Variants in DEPTOR observed in about 807,000 individuals in gnomAD.
The protein encoded by DEPTOR is DEP domain-containing mTOR-interacting protein.
Under a neutral mutation model 41.6 loss-of-function variants are expected in DEPTOR, and 41 were observed. The ratio of observed to expected loss-of-function variants is 0.98; its 90% confidence interval spans 0.77 to 1.28. The LOEUF (loss-of-function observed/expected upper bound fraction) is 1.28. DEPTOR is among the 50% of genes most tolerant of loss of function. The pLI is 0.00. For synonymous variants in DEPTOR, 195 were observed against 192.3 expected (o/e 1.01, Z -0.12); for missense variants, 514 against 527.9 (o/e 0.97, Z 0.26).
intron 1 of DEPTOR, among the ~76,000 whole-genome samples, chr8:119,894,515 G>C (rs1378829621): frequency 6.6e-6 from 1 of 151,566 alleles, no homozygotes; most frequent in Non-Finnish European, 1.5e-5. Flanking sequence ...TCCTGCCTCA[G>C]CCTCCCAAGT....
Position 119,937,838 on chromosome 8 carries a change from C to CAGTG in DEPTOR, c.425+7901_425+7904dup, listed in dbSNP as rs532702686. On this transcript the variant is annotated intron_variant, in intron 3 of 8. Coordinates refer to ENST00000286234, the MANE Select transcript of DEPTOR (RefSeq NM_022783.4). Reference sequence around the variant, plus strand: ...GAGGGGCAAGTGATACCTGCACATGCAGTGGGCTGTGTGACAGCAGAGGAA... The same window carrying CAGTG: ...GAGGGGCAAGTGATACCTGCACATGCAGTGAGTGGGCTGTGTGACAGCAGAGGAA... Among the ~76,000 whole-genome samples, 7 of 152,310 alleles carry CAGTG rather than the reference C, an allele frequency of 4.6e-5. No individual in the cohort carries two copies. The South Asian group carries it at 6.2e-4, about 14-fold the overall frequency.
At chr8:119,951,736 C>A (rs911685667) in intron 3 of DEPTOR, among the ~76,000 whole-genome samples, 1 of 152,102 alleles carries the variant, frequency 6.6e-6, no homozygotes, top group African/African-American at 2.4e-5. Flanking sequence ...TAATGTATAC[C>A]TCCTCCCTGG....
At chr8:119,914,293 C>T (rs139480348) in intron 1 of DEPTOR, among the ~76,000 whole-genome samples, 34 of 151,254 alleles carry the variant, frequency 2.2e-4, no homozygotes, top group African/African-American at 7.5e-4. Context: ...CTGTCTGCCT[C>T]GGCCTCCCAA....
intron 1 of DEPTOR, among the ~76,000 whole-genome samples, chr8:119,877,158 C>G (rs1449496984): frequency 6.6e-6 from 1 of 152,194 alleles, no homozygotes; most frequent in African/African-American, 2.4e-5. Flanking sequence ...TCTTCAGGAG[C>G]TCTGTGAGGA....
chr8:120,034,452 T>C (rs1343658836), intron 8 of DEPTOR, among the ~76,000 whole-genome samples: 6 of 134,190 alleles, frequency 4.5e-5, no homozygotes, highest in Non-Finnish European at 7.9e-5. Flanking sequence ...TCTTTTTTTT[T>C]TTTTTTTTTT....
chr8:119,912,511 G>A (rs191563547), intron 1 of DEPTOR, among the ~76,000 whole-genome samples: 5 of 152,298 alleles, frequency 3.3e-5, no homozygotes, highest in East Asian at 1.9e-4. Flanking sequence ...CGATAGCTGC[G>A]GATGTTCCTG....
intron 1 of DEPTOR, 35 bp downstream of exon 1, chr8:119,874,003 G>A: frequency 1.2e-6 from 2 of 1,611,874 alleles, no homozygotes; most frequent in Non-Finnish European, 8.5e-7. Flanking sequence ...AGCTCACGAT[G>A]GCACTGCCAA....
chr8:119,893,256 T>G (rs1735182136), intron 1 of DEPTOR, among the ~76,000 whole-genome samples: 1 of 152,216 alleles, frequency 6.6e-6, no homozygotes, highest in South Asian at 2.1e-4. Context: ...GGAAATCTCT[T>G]CAATTGTCTT....
intron 4 of DEPTOR, among the ~76,000 whole-genome samples, chr8:119,987,194 G>A (rs1324761916): frequency 6.6e-6 from 1 of 152,184 alleles, no homozygotes; most frequent in African/African-American, 2.4e-5. Context: ...TTTGATGTTG[G>A]TGACCTTCGG....
At chr8:119,975,189 T>G (rs970560105) in intron 4 of DEPTOR, among the ~76,000 whole-genome samples, 1 of 151,958 alleles carries the variant, frequency 6.6e-6, no homozygotes, top group Non-Finnish European at 1.5e-5. Context: ...CCTTTACAGA[T>G]GTACATTTTT....
intron 3 of DEPTOR, among the ~76,000 whole-genome samples, chr8:119,964,510 C>T (rs10106015): frequency 0.68 from 90,476 of 133,960 alleles, 29,017 homozygotes; most frequent in Middle Eastern, 0.81. Context: ...AGTGAAAGCC[C>T]GTCTCAAAAA....
chr8:119,906,637 A>G (rs540838244), intron 1 of DEPTOR, among the ~76,000 whole-genome samples: 73 of 152,250 alleles, frequency 4.8e-4, no homozygotes, highest in Admixed American at 8.5e-4. Flanking sequence ...TAGCATTACT[A>G]GGCACCCAAT....
chr8:120,001,521 C>G lies in DEPTOR; in HGVS notation c.605-4C>G, dbSNP rs1812350629. ...TCATTGGTTGTTTTTTTTTTTCTCC[C>G]CAGTGTCCAACAAGCACCCATTTGT... is the stretch of plus-strand genomic sequence containing the variant. On this transcript the variant is annotated splice_polypyrimidine_tract_variant and splice_region_variant and intron_variant, in intron 4 of 8. Coordinates refer to ENST00000286234, the MANE Select transcript of DEPTOR (RefSeq NM_022783.4). The G allele has an allele frequency of 1.9e-6, 3 of 1,598,966 alleles. No homozygotes were observed. The highest frequency in any genetic ancestry group is 2.6e-6 in the Non-Finnish European group (3 of 1,172,978).
intron 8 of DEPTOR, among the ~76,000 whole-genome samples, chr8:120,047,138 C>T (rs1254854467): frequency 6.6e-6 from 1 of 152,118 alleles, no homozygotes; most frequent in Non-Finnish European, 1.5e-5. Flanking sequence ...ATTCTCCTGC[C>T]CCAGGCTCCT....
chr8:120,039,750 T>C (rs1463649015), intron 8 of DEPTOR, among the ~76,000 whole-genome samples: 1 of 152,186 alleles, frequency 6.6e-6, no homozygotes, highest in African/African-American at 2.4e-5. Flanking sequence ...TTTTTGTCCA[T>C]CATTATTATT....
chr8:119,918,938 A>AGTGTGTGTGTGTGTGT lies in DEPTOR; in HGVS notation c.123-9449_123-9434dup, dbSNP rs751715374. On this transcript the variant is annotated intron_variant, in intron 1 of 8. Coordinates refer to ENST00000286234, the MANE Select transcript of DEPTOR (RefSeq NM_022783.4). ...GGTTACTGCAGCTATTTGCATAGTG[A>AGTGTGTGTGTGTGTGT]GTGTGTGTGTGTGTGTGTGTGTGTG... is the stretch of plus-strand genomic sequence containing the variant. Among the ~76,000 whole-genome samples the AGTGTGTGTGTGTGTGT allele has an allele frequency of 5.0e-3, 667 of 133,532 alleles. 4 individuals are homozygous for AGTGTGTGTGTGTGTGT. The highest frequency in any genetic ancestry group is 0.021 in the South Asian group (78 of 3,804). 87.6% of individuals were successfully genotyped at this position (133,532 alleles called of 152,430 possible).
At chr8:119,902,076 C>A (rs1421145341) in intron 1 of DEPTOR, among the ~76,000 whole-genome samples, 2 of 152,094 alleles carry the variant, frequency 1.3e-5, no homozygotes, top group African/African-American at 4.8e-5. Context: ...CCCCAACATC[C>A]TACTGACCCT....
At position 119,935,720 on chromosome 8, in the gene DEPTOR, C is replaced by CA. The variant is rs1263437669; in HGVS notation, c.425+5795dup. 4.4e-3 allele frequency among the ~76,000 whole-genome samples: 494 copies of CA among 111,600 alleles called. 3 individuals are homozygous for CA. Among genetic ancestry groups the CA allele is most frequent in the East Asian group, 0.011 (46 of 4,038 alleles). The allele number at this position is 111,600 out of a possible 152,430, so 73.2% of individuals were successfully genotyped here. On this transcript the variant is annotated intron_variant, in intron 3 of 8. Coordinates refer to ENST00000286234, the MANE Select transcript of DEPTOR (RefSeq NM_022783.4). ...TGGGCAGCAGAGCAAGACTCCATCTCAAAAAAAAAAAAAGAAAAGAAAAGA... is the reference window on the plus strand; with the variant it reads ...TGGGCAGCAGAGCAAGACTCCATCTCAAAAAAAAAAAAAAGAAAAGAAAAGA...
chr8:119,983,584 A>G (rs1828794251), intron 4 of DEPTOR, among the ~76,000 whole-genome samples: 1 of 152,096 alleles, frequency 6.6e-6, no homozygotes, highest in Non-Finnish European at 1.5e-5. Context: ...GGGTTTCACC[A>G]TGTTGGCCAG....
Sources: gnomAD v4.1 joint callset for allele counts (sites outside exome capture counted in the v4.1 genomes callset) on GRCh38, gnomAD v4.1.1 for gene constraint, MANE v1.5 for transcripts, NCBI Gene and HGNC (gene_info 2026-07-23, HGNC 2026-07-21) for gene names.